MSANTD2: variants seen among roughly 807,000 people sequenced by gnomAD.
MSANTD2 encodes myb/SANT-like DNA-binding domain-containing protein 2.
Under a neutral mutation model 52.6 loss-of-function variants are expected in MSANTD2, and 19 were observed. The ratio of observed to expected loss-of-function variants is 0.36; its 90% CI spans 0.25 to 0.53. The LOEUF (loss-of-function observed/expected upper bound fraction) is 0.53, where lower values mean the gene tolerates loss of function less well. MSANTD2 is among the 20% of genes least tolerant of loss of function. The probability of loss-of-function intolerance (pLI) is 0.91; values close to 1 mark genes in which losing one functional copy is unlikely to be tolerated. For synonymous variants in MSANTD2, 291 were observed against 289.7 expected, an observed-to-expected ratio of 1.00 and a Z score of -0.04; for missense variants, 558 against 716.3, an observed-to-expected ratio of 0.78 and a Z score of 2.52.
intron 1 of MSANTD2, among the ~76,000 whole-genome samples, chr11:124,799,038 T>G (rs965313146): frequency 1.2e-4 from 19 of 152,214 alleles, no homozygotes; most frequent in Non-Finnish European, 4.4e-5. Flanking sequence ...ATTAAGCCTC[T>G]GCATTTAAAC....
intron 2 of MSANTD2, 88 bp from the exon 3 acceptor site, chr11:124,773,142 TC>T: frequency 1.4e-6 from 1 of 728,492 alleles, no homozygotes; most frequent in Non-Finnish European, 2.4e-6. Context: ...TACTGATCAT[TC>T]CATACTTTCC....
chr11:124,793,139 T>G (rs1253937030), intron 1 of MSANTD2, among the ~76,000 whole-genome samples: 1 of 152,358 alleles, frequency 6.6e-6, no homozygotes, highest in Non-Finnish European at 1.5e-5. Context: ...GTTTAAGTTA[T>G]CAATCCTGGC....
intron 1 of MSANTD2, chr11:124,791,078 A>G (rs966116851): frequency 5.4e-6 from 3 of 559,858 alleles, no homozygotes; most frequent in East Asian, 6.3e-5. Flanking sequence ...AGATGAAGAG[A>G]TAACGTGTAA....
chr11:124,785,955 C>T (rs1434397058), intron 1 of MSANTD2, among the ~76,000 whole-genome samples: 1 of 151,902 alleles, frequency 6.6e-6, no homozygotes, highest in Non-Finnish European at 1.5e-5. Flanking sequence ...TACTTCTCTT[C>T]AGAAGACACT....
Position 124,767,554 on chromosome 11 carries a change from G to A in MSANTD2, c.1302C>T (p.Pro434=), listed in dbSNP as rs201499478. ...AACTTTGCTCCATGTGTGGTGAGAG[G>A]GGCCTCTCAATACATTCTTCATAGC... ...AIGYEECIER[P]LSPHMEQSSL... is the part of the protein sequence containing the mutation. Residue 434 remains proline, a synonymous_variant, in exon 4 of 4, where the codon CCC becomes CCT. Transcript: ENST00000374979. The surrounding 1 kb of genome is among the most constrained non-coding windows in gnomAD (Gnocchi z 6.5). The A allele has an allele frequency of 1.9e-6, 3 of 1,614,016 alleles. No homozygotes were observed. In the African/African-American group the frequency reaches 4.0e-5, roughly 22 times the overall value.
At chr11:124,788,737 T>C (rs1051688719) in intron 1 of MSANTD2, among the ~76,000 whole-genome samples, 5 of 152,136 alleles carry the variant, frequency 3.3e-5, no homozygotes, top group African/African-American at 1.2e-4. Context: ...ATGTAGCACT[T>C]TGCTGCTTGG....
chr11:124,791,474 C>G (rs962217398), intron 1 of MSANTD2: 2 of 1,123,226 alleles, frequency 1.8e-6, no homozygotes, highest in South Asian at 1.3e-5. Flanking sequence ...GGAGGTCAGG[C>G]GAGTCACTCT....
In MSANTD2 at chr11:124,800,133, GAGA is replaced by G; in HGVS notation, c.245_247del (p.Phe82del). On this transcript the variant is annotated inframe_deletion, in exon 1 of 4. Transcript: ENST00000374979. The surrounding 1 kb of genome is among the most constrained non-coding windows in gnomAD (Gnocchi z 4.3). ...AGCCCCGCCACCGCCGCCACCAGGG[GAGA>G]AGGAGACCGAGGACGAGGCGGCGCT... The G allele has an allele frequency of 6.7e-7, 1 of 1,484,582 alleles. No individual in the cohort carries two copies. The allele number at this position is 1,484,582 out of a possible 1,614,324, so 92.0% of individuals were successfully genotyped here. A position where few individuals can be genotyped will look rare whatever the true frequency, so the allele number is the denominator to read the frequency against.
rs530508314 is a variant in MSANTD2, at chr11:124,789,448, G to C, written c.510+10423C>G. 5.3e-5 allele frequency: 8 copies of C among 152,234 alleles called. No individual in the cohort carries two copies. The South Asian group carries it at 1.7e-3, about 32-fold the overall frequency. 9.4% of individuals were successfully genotyped at this position (152,234 alleles called of 1,614,324 possible). A position where few individuals can be genotyped will look rare whatever the true frequency, so the allele number is the denominator to read the frequency against. The stretch of plus-strand genomic sequence containing the variant: ...AACTTCTACTATTGTTATTTATATT[G>C]AATGAAGTAATATTTGATAGCCCAA... On this transcript the variant is annotated intron_variant, in intron 1 of 3. Transcript: ENST00000374979.
chr11:124,771,587 C>T (rs1418647179), intron 3 of MSANTD2, among the ~76,000 whole-genome samples: 17 of 152,116 alleles, frequency 1.1e-4, no homozygotes, highest in African/African-American at 3.6e-4. Flanking sequence ...CTGGCCAACA[C>T]GGCAAAACCC....
chr11:124,778,444 AAT>A (rs1191202489), intron 1 of MSANTD2, among the ~76,000 whole-genome samples: 1 of 152,218 alleles, frequency 6.6e-6, no homozygotes, highest in African/African-American at 2.4e-5. Context: ...CTCCCCGGTA[AAT>A]TGACATGATG....
At chr11:124,771,589 G>C (rs1156321838) in intron 3 of MSANTD2, among the ~76,000 whole-genome samples, 2 of 152,150 alleles carry the variant, frequency 1.3e-5, no homozygotes, top group African/African-American at 2.4e-5. Context: ...GGCCAACACG[G>C]CAAAACCCCA....
chr11:124,786,851 A>G (rs1312022118), intron 1 of MSANTD2, among the ~76,000 whole-genome samples: 1 of 152,244 alleles, frequency 6.6e-6, no homozygotes, highest in Non-Finnish European at 1.5e-5. Context: ...GTTGCCAAAA[A>G]CATGACTTCA....
At position 124,800,086 on chromosome 11, in the gene MSANTD2, A is replaced by AGGC. The variant is rs772182645; in HGVS notation, c.292_294dup (p.Ala98dup). The AGGC allele has an allele frequency of 3.6e-5, 54 of 1,493,356 alleles. No individual in the cohort carries two copies. The highest frequency in any genetic ancestry group is 7.6e-5 in the South Asian group (6 of 79,232). The allele number at this position is 1,493,356 out of a possible 1,614,324, so 92.5% of individuals were successfully genotyped here. On this transcript the variant is annotated inframe_insertion, in exon 1 of 4. Coordinates refer to ENST00000374979, the MANE Select transcript of MSANTD2 (RefSeq NM_001308027.2). The surrounding 1 kb of genome is among the most constrained non-coding windows in gnomAD (Gnocchi z 4.3). ...GCTGGCGTCCACGACATGCCCCGGC[A>AGGC]GGCGGCGGCGGCGGCTGCCGCAGCC...
chr11:124,771,078 G>A (rs566800675), intron 3 of MSANTD2, among the ~76,000 whole-genome samples: 1 of 152,112 alleles, frequency 6.6e-6, no homozygotes, highest in African/African-American at 2.4e-5. Flanking sequence ...ATGTTGGACA[G>A]GCTGCTCTCA....
chr11:124,771,008 C>T (rs764208447), intron 3 of MSANTD2, among the ~76,000 whole-genome samples: 6 of 151,870 alleles, frequency 4.0e-5, no homozygotes, highest in South Asian at 2.1e-4. Flanking sequence ...CTGCAATTAC[C>T]GGCATGAGCC....
chr11:124,767,019 A>G lies in MSANTD2; in HGVS notation c.*157T>C, dbSNP rs947132125. 4 of 732,152 alleles carry G rather than the reference A, an allele frequency of 5.5e-6. No homozygotes were observed. Among genetic ancestry groups the G allele is most frequent in the Non-Finnish European group, 8.6e-6 (4 of 466,464 alleles). 45.4% of individuals were successfully genotyped at this position (732,152 alleles called of 1,614,324 possible). ...GGTGAGGTCTGTTTTTTCTGGCCCA[A>G]GTCTACTATGATTCCTTAGAAGTCG... is the stretch of plus-strand genomic sequence containing the variant. On this transcript the variant is annotated 3_prime_UTR_variant, in exon 4 of 4. Transcript: ENST00000374979. This position sits in a 1 kb window ranked among gnomAD's most constrained non-coding sequence, Gnocchi z 6.5.
intron 1 of MSANTD2, among the ~76,000 whole-genome samples, chr11:124,777,930 C>T (rs746231229): frequency 6.6e-6 from 1 of 152,138 alleles, no homozygotes; most frequent in Non-Finnish European, 1.5e-5. Context: ...ACTGAAACTT[C>T]GGCTTGACTG....
chr11:124,790,719 T>C (rs1400429119), intron 1 of MSANTD2: 1 of 152,596 alleles, frequency 6.6e-6, no homozygotes, highest in African/African-American at 2.4e-5. Context: ...CTTTGATGAT[T>C]AGAATAAAGT....
Sources: gnomAD v4.1 joint callset for allele counts (sites outside exome capture counted in the v4.1 genomes callset) on GRCh38, gnomAD v4.1.1 for gene constraint, Gnocchi (gnomAD v3.1) non-coding constraint, MANE v1.5 for transcripts, NCBI Gene and HGNC (gene_info 2026-07-23, HGNC 2026-07-21) for gene names.